CLNK: variants seen among roughly 807,000 people sequenced by gnomAD.
The protein encoded by CLNK is cytokine dependent hematopoietic cell linker.
Under a neutral mutation model 68.6 loss-of-function variants are expected in CLNK, and 74 were observed. That is an observed-to-expected ratio of 1.08 (90% CI 0.89 to 1.31). CLNK has a LOEUF of 1.31. Among genes scored for constraint, CLNK ranks in the 50% most tolerant of loss-of-function variants. The pLI is 0.00. For missense variants in CLNK, 553 were observed against 515.3 expected, an observed-to-expected ratio of 1.07 and a Z score of -0.71; for synonymous variants, 198 against 172.2, an observed-to-expected ratio of 1.15 and a Z score of -1.17.
intron 8 of CLNK, 135 bp from the exon 9 acceptor site, chr4:10,542,415 T>C: frequency 1.5e-6 from 1 of 647,872 alleles, no homozygotes; most frequent in Non-Finnish European, 2.7e-6. Flanking sequence ...GCTGAGATCA[T>C]ATGAGATACC....
intron 8 of CLNK, among the ~76,000 whole-genome samples, chr4:10,554,356 G>A (rs1298837532): frequency 6.6e-6 from 1 of 152,232 alleles, no homozygotes; most frequent in Non-Finnish European, 1.5e-5. Flanking sequence ...ATGGGGAACT[G>A]AAACTTCATT....
At chr4:10,525,953 G>A in intron 13 of CLNK, 31 bp from the exon 14 acceptor site, 1 of 1,357,872 alleles carries the variant, frequency 7.4e-7, no homozygotes, top group South Asian at 1.3e-5. Context: ...ATTTGGTCAG[G>A]TTGCAAAAGA....
chr4:10,598,061 GA>G lies in CLNK; in HGVS notation c.12-13del. On this transcript the variant is annotated splice_polypyrimidine_tract_variant and intron_variant, in intron 2 of 18. Transcript: ENST00000226951. ...TCTTTCTATTGCCCCTGGGATGAAA[GA>G]AAATAAATTATAGCTGGGAAATAGC... 6.5e-7 allele frequency: 1 copy of G among 1,549,518 alleles called. No individual in the cohort carries two copies. Among genetic ancestry groups the G allele is most frequent in the South Asian group, 1.2e-5 (1 of 83,506 alleles).
rs1716440925 is a variant in CLNK at position 10,488,611 on chromosome 4, T to G, written c.*1856A>C. ...AATCCTCTGCAGGCATACTCTACGA[T>G]AGGCTCAGCTGGGTCTCAAAAGTTC... On this transcript the variant is annotated 3_prime_UTR_variant, in exon 19 of 19. Transcript: ENST00000226951. The G allele has an allele frequency of 6.6e-6, 1 of 152,248 alleles. No individual in the cohort carries two copies. The highest frequency in any genetic ancestry group is 2.4e-5 in the African/African-American group (1 of 41,466). 9.4% of individuals were successfully genotyped at this position (152,248 alleles called of 1,614,324 possible). A position where few individuals can be genotyped will look rare whatever the true frequency, so the allele number is the denominator to read the frequency against.
the CLNK span, among the ~76,000 whole-genome samples, chr4:10,702,362 A>G: frequency 9.2e-3 from 1,404 of 152,224 alleles, 18 homozygotes; most frequent in African/African-American, 0.025. Context: ...GAGAGTGCTG[A>G]GGACTATGGC....
At chr4:10,543,025 C>A (rs188508715) in intron 8 of CLNK, among the ~76,000 whole-genome samples, 44 of 152,102 alleles carry the variant, frequency 2.9e-4, no homozygotes, top group Non-Finnish European at 3.8e-4. Flanking sequence ...AAATACAATG[C>A]GATCCTTCCT....
chr4:10,615,442 G>A (rs1341784128), intron 2 of CLNK, among the ~76,000 whole-genome samples: 2 of 152,252 alleles, frequency 1.3e-5, no homozygotes, highest in East Asian at 3.9e-4. Context: ...GCTTGAATCT[G>A]GGAGGCGGAG....
chr4:10,657,435 T>C (rs1724030147), intron 2 of CLNK, among the ~76,000 whole-genome samples: 1 of 152,244 alleles, frequency 6.6e-6, no homozygotes, highest in Non-Finnish European at 1.5e-5. Flanking sequence ...TTATGCCTTA[T>C]GCATATTTTA....
At chr4:10,518,548 A>G (rs1717931219) in intron 15 of CLNK, among the ~76,000 whole-genome samples, 1 of 152,248 alleles carries the variant, frequency 6.6e-6, no homozygotes, top group Admixed American at 6.5e-5. Context: ...TCCCAGACTT[A>G]GAGAATAACG....
chr4:10,732,014 T>A, the CLNK span, among the ~76,000 whole-genome samples: 1 of 152,172 alleles, frequency 6.6e-6, no homozygotes, highest in Non-Finnish European at 1.5e-5. Context: ...TTTCAAGCAA[T>A]CAATATGAAT....
chr4:10,535,593 A>G (rs1485461179), intron 11 of CLNK, among the ~76,000 whole-genome samples: 1 of 152,222 alleles, frequency 6.6e-6, no homozygotes, highest in Non-Finnish European at 1.5e-5. Flanking sequence ...GGACCACGGT[A>G]TTAAAATTAC....
intron 17 of CLNK, among the ~76,000 whole-genome samples, chr4:10,506,598 C>A (rs1717303394): frequency 1.3e-5 from 2 of 152,102 alleles, no homozygotes; most frequent in African/African-American, 4.8e-5. Context: ...AGGAGATAAA[C>A]CTTGAGGAAA....
chr4:10,588,045 C>T (rs1256207550), intron 3 of CLNK, among the ~76,000 whole-genome samples: 1 of 152,192 alleles, frequency 6.6e-6, no homozygotes, highest in South Asian at 2.1e-4. Context: ...ATGTCTTGGT[C>T]TTTGATTAAG....
At chr4:10,692,539 C>G in the CLNK span, among the ~76,000 whole-genome samples, 2 of 152,122 alleles carry the variant, frequency 1.3e-5, no homozygotes, top group African/African-American at 2.4e-5. Flanking sequence ...GGAAAATTCT[C>G]AAAATATTTT....
the CLNK span, among the ~76,000 whole-genome samples, chr4:10,719,413 G>C: frequency 6.6e-6 from 1 of 151,964 alleles, no homozygotes; most frequent in Non-Finnish European, 1.5e-5. Context: ...AAGAGTGACT[G>C]TATTAACATT....
chr4:10,669,791 T>C lies in CLNK; in HGVS notation c.-42-1880A>G, dbSNP rs531032098. ...CTCGTCTTATGCTTGTAGGTCAATA[T>C]TGACAGCAGGGAAAGGGGAGGCGGC... On this transcript the variant is annotated intron_variant, in intron 1 of 18. Coordinates refer to ENST00000226951, the MANE Select transcript of CLNK (RefSeq NM_052964.4). 3.3e-5 allele frequency among the ~76,000 whole-genome samples: 5 copies of C among 152,218 alleles called. No homozygotes were observed. The South Asian group carries it at 6.2e-4, about 19-fold the overall frequency.
intron 2 of CLNK, among the ~76,000 whole-genome samples, chr4:10,636,897 C>A (rs530949436): frequency 3.3e-5 from 5 of 152,266 alleles, no homozygotes; most frequent in South Asian, 4.1e-4. Flanking sequence ...TCTATCATGA[C>A]AATATATCCC....
intron 1 of CLNK, among the ~76,000 whole-genome samples, chr4:10,679,273 C>T (rs899064529): frequency 1.4e-4 from 21 of 152,248 alleles, no homozygotes; most frequent in South Asian, 6.2e-4. Flanking sequence ...GGAAAGGATT[C>T]CATATTTAAT....
intron 6 of CLNK, among the ~76,000 whole-genome samples, chr4:10,565,453 C>T (rs990747197): frequency 6.6e-6 from 1 of 152,228 alleles, no homozygotes; most frequent in Non-Finnish European, 1.5e-5. Flanking sequence ...GCCCTTTGTG[C>T]CACAGTTAGA....
Sources: gnomAD v4.1 joint callset for allele counts (sites outside exome capture counted in the v4.1 genomes callset) on GRCh38, gnomAD v4.1.1 for gene constraint, MANE v1.5 for transcripts, NCBI Gene and HGNC (gene_info 2026-07-23, HGNC 2026-07-21) for gene names.